The following RBFOX1 variants were observed in gnomAD, a reference collection of about 807,000 sequenced individuals.
RBFOX1 encodes RNA binding fox-1 homolog 1, also known as RNA binding protein fox-1 homolog 1.
RBFOX1 carries 8 observed loss-of-function variants against 57.7 expected under a neutral mutation model. The observed-to-expected ratio is 0.14, with a 90% CI of 0.08 to 0.25. The LOEUF (loss-of-function observed/expected upper bound fraction) is 0.25. Ranked by LOEUF, RBFOX1 falls within the 10% of genes least tolerant of loss-of-function variation. RBFOX1 has a pLI of 1.00. For missense variants in RBFOX1, 611 were observed against 548.5 expected (o/e 1.11, Z -1.14); for synonymous variants, 326 against 222.4 (o/e 1.47, Z -4.15).
chr16:5,864,442 G>T (rs187341921), intron 3 of RBFOX1, among the ~76,000 whole-genome samples: 77 of 152,148 alleles, frequency 5.1e-4, no homozygotes, highest in Admixed American at 1.7e-3. Context: ...GTTTGCTCAG[G>T]AGTAAACCTT....
chr16:5,448,890 G>A (rs982764752), intron 1 of RBFOX1, among the ~76,000 whole-genome samples: 3 of 151,996 alleles, frequency 2.0e-5, no homozygotes, highest in Admixed American at 1.3e-4. Flanking sequence ...GGCATGATCC[G>A]CCTGCTACCT....
chr16:7,077,071 C>T (rs1345996278), intron 4 of RBFOX1, among the ~76,000 whole-genome samples: 1 of 152,194 alleles, frequency 6.6e-6, no homozygotes. Flanking sequence ...CAGAGGTTTT[C>T]TTTGCACAGA....
chr16:5,432,335 A>AC (rs770880526), intron 1 of RBFOX1, among the ~76,000 whole-genome samples: 2 of 96,522 alleles, frequency 2.1e-5, no homozygotes, highest in South Asian at 3.1e-4. Context: ...CCGCTAACCA[A>AC]ATTAGTCATC....
chr16:5,524,766 C>A (rs1198965148), intron 2 of RBFOX1, among the ~76,000 whole-genome samples: 1 of 152,026 alleles, frequency 6.6e-6, no homozygotes, highest in Non-Finnish European at 1.5e-5. Flanking sequence ...GTCTTGAACT[C>A]CTGACCTCAA....
At chr16:6,563,580 A>T (rs543945693) in intron 2 of RBFOX1, among the ~76,000 whole-genome samples, 9 of 152,266 alleles carry the variant, frequency 5.9e-5, no homozygotes, top group African/African-American at 1.7e-4. Flanking sequence ...GTGGTGGCTC[A>T]CGCCTGTACT....
chr16:7,237,480 A>G (rs1031961418), intron 4 of RBFOX1, among the ~76,000 whole-genome samples: 4 of 152,232 alleles, frequency 2.6e-5, no homozygotes, highest in African/African-American at 7.2e-5. Flanking sequence ...TACATATGTA[A>G]CACATATCTA....
Position 6,769,682 on chromosome 16 carries a change from A to G in RBFOX1, c.-16+115032A>G, listed in dbSNP as rs529486531. ...TGTATCTTCCATATCCCTCTCTGCT[A>G]ATGTTCCCTGCTGATGTAGGATAAG... On this transcript the variant is annotated intron_variant, in intron 3 of 15. Coordinates refer to ENST00000550418, the MANE Select transcript of RBFOX1 (RefSeq NM_018723.4). Among the ~76,000 whole-genome samples the G allele has an allele frequency of 3.3e-5, 5 of 152,264 alleles. No individual in the cohort carries two copies. The South Asian group carries it at 1.0e-3, about 32-fold the overall frequency.
chr16:5,926,241 C>T (rs781708323), intron 4 of RBFOX1, among the ~76,000 whole-genome samples: 25 of 152,290 alleles, frequency 1.6e-4, no homozygotes, highest in Admixed American at 1.5e-3. Context: ...TTTGGCAAAA[C>T]CCAGGTCTAT....
intron 4 of RBFOX1, among the ~76,000 whole-genome samples, chr16:5,975,648 TGTC>T (rs2060047575): frequency 6.6e-6 from 1 of 152,138 alleles, no homozygotes; most frequent in Admixed American, 6.5e-5. Context: ...GAGTAAAGGA[TGTC>T]ATGTCATAGT....
At chr16:6,268,807 A>T (rs901288001) in intron 1 of RBFOX1, among the ~76,000 whole-genome samples, 1 of 152,148 alleles carries the variant, frequency 6.6e-6, no homozygotes, top group Non-Finnish European at 1.5e-5. Context: ...TGAAGTAAAC[A>T]TTTTTTCCCT....
At chr16:7,640,528 T>C (rs763683192) in intron 11 of RBFOX1, among the ~76,000 whole-genome samples, 1 of 152,208 alleles carries the variant, frequency 6.6e-6, no homozygotes, top group Non-Finnish European at 1.5e-5. Flanking sequence ...GAGGATGCTT[T>C]TGCTTTGTGT....
At chr16:7,200,211 A>G (rs537054211) in intron 4 of RBFOX1, among the ~76,000 whole-genome samples, 1 of 152,312 alleles carries the variant, frequency 6.6e-6, no homozygotes, top group South Asian at 2.1e-4. Context: ...TTAGAAAGGA[A>G]ACTCGACTGT....
chr16:7,190,456 A>C (rs762724273), intron 4 of RBFOX1, among the ~76,000 whole-genome samples: 2 of 152,172 alleles, frequency 1.3e-5, no homozygotes, highest in Non-Finnish European at 2.9e-5. Flanking sequence ...ACTCTTCCAC[A>C]AATTCCCAAC....
chr16:7,201,453 T>C (rs1190096235), intron 4 of RBFOX1, among the ~76,000 whole-genome samples: 2 of 17,294 alleles, frequency 1.2e-4, no homozygotes, highest in Non-Finnish European at 2.3e-4. Context: ...GATCTGATTC[T>C]TTTTTTTTTT....
At chr16:6,399,715 T>C (rs1596607407) in intron 2 of RBFOX1, among the ~76,000 whole-genome samples, 1 of 152,078 alleles carries the variant, frequency 6.6e-6, no homozygotes, top group Non-Finnish European at 1.5e-5. Flanking sequence ...TAACAGCTTA[T>C]GTATTAGTTC....
In RBFOX1 at chr16:7,131,233, C is replaced by G. The variant is rs1414649629; in HGVS notation, c.27+79135C>G. On this transcript the variant is annotated intron_variant, in intron 4 of 15. Coordinates refer to ENST00000550418, the MANE Select transcript of RBFOX1 (RefSeq NM_018723.4). ...TGGTATCGCACACCTGTAGTCTCAGCTACTCTGGAGGCTGAGGCAGGAGAA... is the reference window on the plus strand; with the variant it reads ...TGGTATCGCACACCTGTAGTCTCAGGTACTCTGGAGGCTGAGGCAGGAGAA... Among the ~76,000 whole-genome samples the G allele has an allele frequency of 2.0e-5, 3 of 151,744 alleles. No homozygotes were observed. In the East Asian group the frequency reaches 5.8e-4, roughly 30 times the overall value.
At chr16:5,651,286 C>T (rs2049231885) in intron 3 of RBFOX1, among the ~76,000 whole-genome samples, 1 of 152,038 alleles carries the variant, frequency 6.6e-6, no homozygotes, top group Non-Finnish European at 1.5e-5. Context: ...CTCCTGGCCT[C>T]ACGTGACCCA....
chr16:7,431,909 A>C (rs2098684244), intron 4 of RBFOX1, among the ~76,000 whole-genome samples: 1 of 152,222 alleles, frequency 6.6e-6, no homozygotes, highest in South Asian at 2.1e-4. Context: ...CACAGGAGGC[A>C]GGGGCTTGTT....
chr16:7,156,554 C>T (rs1177231954), intron 4 of RBFOX1, among the ~76,000 whole-genome samples: 1 of 151,808 alleles, frequency 6.6e-6, no homozygotes, highest in East Asian at 1.9e-4. Context: ...TGTAGATATA[C>T]ATATGTGTAC....
Sources: allele counts gnomAD v4.1 joint callset (sites outside exome capture counted in the v4.1 genomes callset), GRCh38; gene constraint gnomAD v4.1.1; transcripts MANE v1.5; gene names NCBI Gene and HGNC (gene_info 2026-07-23, HGNC 2026-07-21).